LRP1B: variants seen among roughly 807,000 people sequenced by gnomAD.
LRP1B encodes low-density lipoprotein receptor-related protein 1B.
A neutral mutation model predicts 556.6 loss-of-function variants in LRP1B; 217 were observed. The observed-to-expected ratio is 0.39, with a 90% CI of 0.35 to 0.44. The LOEUF is 0.44. LRP1B is among the 20% of genes least tolerant of loss of function. The pLI, the probability that LRP1B is intolerant of heterozygous loss-of-function variation, is 1.00. For missense variants in LRP1B, 5,053 were observed against 5,620.8 expected (o/e 0.90, Z 3.23); for synonymous variants, 2,047 against 1,865.8 (o/e 1.10, Z -2.50).
chr2:141,486,674 T>C (rs941226791), intron 2 of LRP1B, among the ~76,000 whole-genome samples: 1 of 152,114 alleles, frequency 6.6e-6, no homozygotes, highest in African/African-American at 2.4e-5. Context: ...CTTGGTTTTA[T>C]TTCCCATCTA....
intron 3 of LRP1B, among the ~76,000 whole-genome samples, chr2:141,438,421 C>T (rs1680842926): frequency 6.6e-6 from 1 of 152,028 alleles, no homozygotes. Flanking sequence ...CCCATTTATC[C>T]GCAGATCCAT....
At chr2:141,510,909 C>CACACACACACA (rs70994436) in intron 2 of LRP1B, among the ~76,000 whole-genome samples, 139 of 139,018 alleles carry the variant, frequency 1.0e-3, no homozygotes, top group Middle Eastern at 7.5e-3. Flanking sequence ...CACACACACA[C>CACACACACACA]CCCACACAAA....
intron 89 of LRP1B, among the ~76,000 whole-genome samples, chr2:140,236,819 A>G (rs984924050): frequency 2.0e-5 from 3 of 151,014 alleles, no homozygotes; most frequent in African/African-American, 7.3e-5. Flanking sequence ...TTTAAAAAAT[A>G]CACTGACCAA....
At chr2:141,177,209 C>T (rs1680776075) in intron 7 of LRP1B, among the ~76,000 whole-genome samples, 1 of 152,080 alleles carries the variant, frequency 6.6e-6, no homozygotes, top group South Asian at 2.1e-4. Context: ...GAGGCTCCAT[C>T]TCTCAATGAC....
At chr2:141,020,124 G>A (rs768794221) in intron 11 of LRP1B, 22 bp from the exon 12 acceptor site, 1 of 1,436,742 alleles carries the variant, frequency 7.0e-7, no homozygotes, top group Non-Finnish European at 9.2e-7. Flanking sequence ...GCAAAAACAA[G>A]AAAGAAATTG....
intron 2 of LRP1B, among the ~76,000 whole-genome samples, chr2:141,673,115 C>T (rs1690737251): frequency 6.6e-6 from 1 of 152,190 alleles, no homozygotes; most frequent in Non-Finnish European, 1.5e-5. Flanking sequence ...GATTGGCATT[C>T]TTTCCATTTT....
intron 1 of LRP1B, among the ~76,000 whole-genome samples, chr2:142,118,590 T>C (rs561618304): frequency 1.3e-5 from 2 of 152,242 alleles, no homozygotes; most frequent in South Asian, 2.1e-4. Context: ...TTGAACCTGT[T>C]CCCATAGTAC....
intron 2 of LRP1B, among the ~76,000 whole-genome samples, chr2:141,505,075 G>T (rs1353373275): frequency 6.6e-6 from 1 of 150,550 alleles, no homozygotes; most frequent in African/African-American, 2.4e-5. Context: ...CTTTGTTTGA[G>T]AAGAATAAAT....
chr2:141,854,967 T>C (rs1038190153), intron 1 of LRP1B, among the ~76,000 whole-genome samples: 3 of 152,092 alleles, frequency 2.0e-5, no homozygotes, highest in Non-Finnish European at 2.9e-5. Flanking sequence ...TAAATTTATA[T>C]AAGCATGAAG....
In LRP1B at chr2:140,680,339, G is replaced by A. The variant is rs75186726; in HGVS notation, c.6799+19911C>T. On this transcript the variant is annotated intron_variant, in intron 41 of 90. Coordinates refer to ENST00000389484, the MANE Select transcript of LRP1B (RefSeq NM_018557.3). ...TCTTAAGTTGGCCCAACCTTCTTGC[G>A]GGTTGCAGAAATAAGCTCCCTTTTT... 6.8e-3 allele frequency among the ~76,000 whole-genome samples: 1,015 copies of A among 150,022 alleles called. 16 individuals carry two copies. The highest frequency in any genetic ancestry group is 0.023 in the African/African-American group (927 of 40,448).
intron 35 of LRP1B, among the ~76,000 whole-genome samples, chr2:140,760,162 G>A (rs1368026714): frequency 2.0e-5 from 3 of 152,146 alleles, no homozygotes; most frequent in Non-Finnish European, 2.9e-5. Context: ...TAGTAGCCTG[G>A]GGAACACATC....
In LRP1B at chr2:141,706,520, G is replaced by A. The variant is rs370675404; in HGVS notation, c.205+103759C>T. Among the ~76,000 whole-genome samples the A allele has an allele frequency of 5.3e-5, 8 of 152,174 alleles. No homozygotes were observed. In the East Asian group the frequency reaches 1.2e-3, roughly 22 times the overall value. On this transcript the variant is annotated intron_variant, in intron 2 of 90. Transcript: ENST00000389484. The stretch of plus-strand genomic sequence containing the variant: ...CAACTCTCAGTGTGGTGAGTATCCT[G>A]TTACACCAACCTGCTTCCAAGTCCT...
At chr2:140,249,401 A>G (rs1296695155) in intron 86 of LRP1B, among the ~76,000 whole-genome samples, 1 of 151,686 alleles carries the variant, frequency 6.6e-6, no homozygotes, top group East Asian at 1.9e-4. Context: ...TTCCTAATTT[A>G]TCCATGGCTT....
intron 41 of LRP1B, among the ~76,000 whole-genome samples, chr2:140,628,853 T>C (rs577014445): frequency 6.6e-6 from 1 of 152,170 alleles, no homozygotes; most frequent in East Asian, 1.9e-4. Flanking sequence ...TGAGATCTGT[T>C]TGTTTGAAAG....
chr2:141,745,421 C>T (rs558458327), intron 2 of LRP1B, among the ~76,000 whole-genome samples: 1 of 152,266 alleles, frequency 6.6e-6, no homozygotes, highest in South Asian at 2.1e-4. Context: ...TCTTCCCTCC[C>T]CCTTCCACTG....
chr2:140,783,484 CA>C (rs1689773602), intron 32 of LRP1B, among the ~76,000 whole-genome samples: 2 of 150,572 alleles, frequency 1.3e-5, no homozygotes, highest in African/African-American at 2.5e-5. Context: ...TATAAGAAAA[CA>C]ATAAAAAATT....
At chr2:141,643,455 G>A (rs6429917) in intron 2 of LRP1B, among the ~76,000 whole-genome samples, 97,138 of 152,016 alleles carry the variant, frequency 0.64, 32,475 homozygotes, top group East Asian at 0.77. Context: ...TAGACGGAGA[G>A]GAATATGGAA....
Position 140,958,807 on chromosome 2 carries a change from A to G in LRP1B, c.2888-6867T>C, listed in dbSNP as rs536374314. Among the ~76,000 whole-genome samples the G allele has an allele frequency of 1.3e-4, 20 of 151,752 alleles. No individual in the cohort carries two copies. The South Asian group carries it at 3.9e-3, about 30-fold the overall frequency. ...TTTTAAATGTTAAACCTGGAGTGAG[A>G]AATTTACCCACCACCCCCACTGAAA... On this transcript the variant is annotated intron_variant, in intron 18 of 90. Coordinates refer to ENST00000389484, the MANE Select transcript of LRP1B (RefSeq NM_018557.3).
At chr2:140,687,689 C>T (rs1686098200) in intron 41 of LRP1B, among the ~76,000 whole-genome samples, 3 of 151,954 alleles carry the variant, frequency 2.0e-5, no homozygotes, top group Admixed American at 2.0e-4. Context: ...AATAAAACTT[C>T]TTTATTTCTG....
Sources: gnomAD v4.1 joint callset for allele counts (sites outside exome capture counted in the v4.1 genomes callset) on GRCh38, gnomAD v4.1.1 for gene constraint, MANE v1.5 for transcripts, NCBI Gene and HGNC (gene_info 2026-07-23, HGNC 2026-07-21) for gene names.